The following GRIP1 variants were observed in gnomAD, a reference collection of about 807,000 sequenced individuals.
GRIP1 encodes the protein glutamate receptor-interacting protein 1.
GRIP1 carries 45 observed loss-of-function variants against 129.9 expected under a neutral mutation model. That is an observed-to-expected ratio of 0.35 (90% CI 0.27 to 0.44). The LOEUF is 0.44. Among genes scored for constraint, GRIP1 ranks in the 20% least tolerant of loss-of-function variants. The pLI is 1.00. For missense variants in GRIP1, 1,196 were observed against 1,396.8 expected, an observed-to-expected ratio of 0.86 and a Z score of 2.29; for synonymous variants, 530 against 520.8, an observed-to-expected ratio of 1.02 and a Z score of -0.24.
intron 1 of GRIP1, among the ~76,000 whole-genome samples, chr12:66,790,938 T>C (rs1871551): frequency 0.31 from 47,824 of 151,982 alleles, 8,162 homozygotes; most frequent in South Asian, 0.4. Flanking sequence ...GCTGGAGGAC[T>C]GGAAAGAAGA....
intron 19 of GRIP1, among the ~76,000 whole-genome samples, chr12:66,391,259 CA>C (rs1283496562): frequency 6.6e-6 from 1 of 152,164 alleles, no homozygotes; most frequent in East Asian, 1.9e-4. Context: ...CCAGAGCAAA[CA>C]AGGGATTCAG....
At chr12:66,930,152 T>A (rs12821155) in intron 1 of GRIP1, among the ~76,000 whole-genome samples, 28,883 of 147,394 alleles carry the variant, frequency 0.2, 3,005 homozygotes, top group South Asian at 0.24. Context: ...CATGTGCACA[T>A]TGTGCAGGTT....
Position 66,348,959 on chromosome 12 carries a change from T to A in GRIP1, c.*60A>T. On this transcript the variant is annotated 3_prime_UTR_variant, in exon 25 of 25. Transcript: ENST00000359742. ...CTGTGCTTCAAAGGTCACAGAAATC[T>A]TAAAGGATTTTTAGCACCATGTAGA... 2 of 1,207,276 alleles carry A rather than the reference T, an allele frequency of 1.7e-6. No homozygotes were observed. Among genetic ancestry groups the A allele is most frequent in the Non-Finnish European group, 2.5e-6 (2 of 808,154 alleles). 74.8% of individuals were successfully genotyped at this position (1,207,276 alleles called of 1,614,324 possible).
rs192412074 is a variant in GRIP1, at chr12:66,567,266, C to T, written c.137-25316G>A. ...TGCTTTCTCTTGTGGGCATTTAACG[C>T]TATAAATTTCCCTCTGAACACTGCT... is the stretch of plus-strand genomic sequence containing the variant. On this transcript the variant is annotated intron_variant, in intron 2 of 24. Coordinates refer to ENST00000359742, the MANE Select transcript of GRIP1 (RefSeq NM_001366722.1). Among the ~76,000 whole-genome samples, 89 of 152,282 alleles carry T rather than the reference C, an allele frequency of 5.8e-4. 3 individuals are homozygous for T. Among genetic ancestry groups the T allele is most frequent in the Admixed American group, 2.4e-3 (37 of 15,288 alleles).
intron 1 of GRIP1, among the ~76,000 whole-genome samples, chr12:66,722,381 T>C (rs572111061): frequency 5.9e-5 from 9 of 152,270 alleles, no homozygotes; most frequent in Admixed American, 1.3e-4. Flanking sequence ...AGGGAAACAA[T>C]TGGCCAGTGG....
At chr12:66,578,700 G>C (rs1015228976) in intron 2 of GRIP1, among the ~76,000 whole-genome samples, 1 of 152,216 alleles carries the variant, frequency 6.6e-6, no homozygotes, top group African/African-American at 2.4e-5. Context: ...CAGCGAGGCT[G>C]GGGGAGGGGC....
At chr12:67,016,197 A>G (rs1169755909) in intron 1 of GRIP1, among the ~76,000 whole-genome samples, 1 of 152,180 alleles carries the variant, frequency 6.6e-6, no homozygotes, top group African/African-American at 2.4e-5. Flanking sequence ...AAGAAATAAA[A>G]TGGTTCCTTT....
intron 13 of GRIP1, among the ~76,000 whole-genome samples, chr12:66,440,843 C>T (rs1329979671): frequency 6.6e-6 from 1 of 152,110 alleles, no homozygotes; most frequent in Non-Finnish European, 1.5e-5. Flanking sequence ...CCAAATGTCC[C>T]CTGGGGCAAA....
chr12:67,068,493 C>A (rs1038537944), intron 1 of GRIP1, among the ~76,000 whole-genome samples: 2 of 151,864 alleles, frequency 1.3e-5, no homozygotes, highest in Non-Finnish European at 2.9e-5. Flanking sequence ...CTTCTAGAGA[C>A]CTGCGGCAGC....
intron 2 of GRIP1, among the ~76,000 whole-genome samples, chr12:66,559,050 C>G (rs918813093): frequency 9.9e-5 from 15 of 151,658 alleles, no homozygotes; most frequent in African/African-American, 3.4e-4. Flanking sequence ...GTGTGATATA[C>G]CCACAACAGA....
At chr12:66,762,078 C>T (rs536307342) in intron 1 of GRIP1, among the ~76,000 whole-genome samples, 11 of 152,274 alleles carry the variant, frequency 7.2e-5, no homozygotes, top group African/African-American at 2.4e-4. Context: ...TAACTCAGAG[C>T]CTGGCACATA....
intron 11 of GRIP1, among the ~76,000 whole-genome samples, chr12:66,446,753 G>A (rs985869916): frequency 4.6e-5 from 7 of 152,012 alleles, no homozygotes; most frequent in Admixed American, 2.0e-4. Flanking sequence ...CTGGCTTTAT[G>A]CTTCTTCAAC....
chr12:66,377,264 A>C lies in GRIP1; in HGVS notation c.2643T>G (p.Ser881Arg). 6.2e-7 allele frequency: 1 copy of C among 1,612,492 alleles called. No individual in the cohort carries two copies. The highest frequency in any genetic ancestry group is 1.1e-5 in the South Asian group (1 of 91,064). Residue 881 changes from serine (S) to arginine (R), a missense_variant, in exon 21 of 25, where the codon AGT (serine) becomes AGG (arginine). Around this residue, in one of 5 missense-constraint regions of GRIP1, gnomAD observed 427 missense variants for 463.3 expected, o/e 0.92. Transcript: ENST00000359742. ...TASGFAGAAD[S>R]AETEQEENFW... ...AGTTCTCCTCTTGTTCTGTCTCTGC[A>C]CTATCGGCAGCCCCTGCAAAACTGT...
At chr12:66,862,437 T>C (rs1386438671) in intron 1 of GRIP1, among the ~76,000 whole-genome samples, 1 of 152,090 alleles carries the variant, frequency 6.6e-6, no homozygotes, top group Non-Finnish European at 1.5e-5. Flanking sequence ...TTTAAACAGC[T>C]TTCTGGGGCA....
At chr12:66,850,052 T>C (rs191259950) in intron 1 of GRIP1, among the ~76,000 whole-genome samples, 3 of 152,272 alleles carry the variant, frequency 2.0e-5, no homozygotes, top group East Asian at 1.9e-4. Context: ...GTTTGACTTA[T>C]GGAGATACTT....
At chr12:66,645,954 T>C (rs932760417) in intron 1 of GRIP1, among the ~76,000 whole-genome samples, 3 of 152,208 alleles carry the variant, frequency 2.0e-5, no homozygotes, top group African/African-American at 7.2e-5. Flanking sequence ...TTCTTTATAC[T>C]GTATGGAGCC....
intron 1 of GRIP1, among the ~76,000 whole-genome samples, chr12:66,871,704 T>C (rs1417699720): frequency 6.6e-6 from 1 of 152,096 alleles, no homozygotes; most frequent in Admixed American, 6.6e-5. Flanking sequence ...GGGTAAAGAC[T>C]GCAGAGTTAA....
chr12:66,686,851 G>GT, intron 1 of GRIP1, among the ~76,000 whole-genome samples: 1 of 152,290 alleles, frequency 6.6e-6, no homozygotes, highest in East Asian at 1.9e-4. Context: ...GAGCCCAGGA[G>GT]TTTGAAACCA....
chr12:66,449,588 C>T (rs1592345256), intron 11 of GRIP1, among the ~76,000 whole-genome samples: 1 of 152,196 alleles, frequency 6.6e-6, no homozygotes. Flanking sequence ...CCAGGTCTGA[C>T]ACATAGACTG....
Sources: gnomAD v4.1 joint callset for allele counts (sites outside exome capture counted in the v4.1 genomes callset) on GRCh38, gnomAD v4.1.1 for gene constraint, gnomAD v4.1.1 regional missense constraint, MANE v1.5 for transcripts, NCBI Gene and HGNC (gene_info 2026-07-23, HGNC 2026-07-21) for gene names.